SNRNP40: variants seen among roughly 807,000 people sequenced by gnomAD.
SNRNP40 encodes the protein U5 small nuclear ribonucleoprotein 40 kDa protein.
In SNRNP40, 21 loss-of-function variants were observed where a neutral mutation model predicts 45.8. The observed-to-expected ratio is 0.46, with a 90% CI of 0.32 to 0.66. The LOEUF (loss-of-function observed/expected upper bound fraction) is 0.66. Ranked by LOEUF, SNRNP40 falls within the 30% of genes least tolerant of loss-of-function variation. SNRNP40 has a pLI of 0.03. For synonymous variants in SNRNP40, 142 were observed against 163.8 expected (o/e 0.87, Z 1.01); for missense variants, 344 against 439.1 (o/e 0.78, Z 1.94).
At chr1:31,289,487 C>T (rs540106675) in intron 3 of SNRNP40, 68 bp from the exon 4 acceptor site, 2 of 1,490,728 alleles carry the variant, frequency 1.3e-6, no homozygotes, top group East Asian at 4.5e-5. Flanking sequence ...ATCTTTCCTA[C>T]TTGACAAAAG....
At chr1:31,260,227 A>T (rs540244756) in intron 9 of SNRNP40, 106 bp from the exon 10 acceptor site, 1 of 712,226 alleles carries the variant, frequency 1.4e-6, no homozygotes, top group Admixed American at 3.0e-5. Flanking sequence ...GAGCAATTGG[A>T]CTTAGCTTAA....
At chr1:31,266,335 G>A (rs1645896791) in intron 8 of SNRNP40, among the ~76,000 whole-genome samples, 1 of 152,152 alleles carries the variant, frequency 6.6e-6, no homozygotes, top group African/African-American at 2.4e-5. Context: ...GATTGAAAGA[G>A]AAACTCTAAA....
At chr1:31,291,790 T>G in intron 3 of SNRNP40, 123 bp downstream of exon 3, 1 of 657,566 alleles carries the variant, frequency 1.5e-6, no homozygotes, top group Non-Finnish European at 2.8e-6. Flanking sequence ...ATAAATCGGA[T>G]ACTAAAGTAG....
At chr1:31,286,066 G>A (rs1167370058) in intron 4 of SNRNP40, among the ~76,000 whole-genome samples, 1 of 152,000 alleles carries the variant, frequency 6.6e-6, no homozygotes, top group Non-Finnish European at 1.5e-5. Context: ...CCTTTTAATG[G>A]AAAACAGTAC....
At chr1:31,269,814 G>A (rs1355092205) in intron 6 of SNRNP40, 1 of 154,030 alleles carries the variant, frequency 6.5e-6, no homozygotes, top group Non-Finnish European at 1.4e-5. Flanking sequence ...TTTGGGTGAT[G>A]TCAGGTAAAC....
At chr1:31,265,635 T>C (rs979328690) in intron 8 of SNRNP40, among the ~76,000 whole-genome samples, 2 of 152,052 alleles carry the variant, frequency 1.3e-5, no homozygotes, top group Non-Finnish European at 2.9e-5. Flanking sequence ...GGTCAGGAGA[T>C]TGAGATCATT....
chr1:31,273,516 T>G (rs2148383611), intron 5 of SNRNP40, among the ~76,000 whole-genome samples: 1 of 152,198 alleles, frequency 6.6e-6, no homozygotes. Flanking sequence ...GGTGCACACC[T>G]GTAATCCCAG....
intron 3 of SNRNP40, among the ~76,000 whole-genome samples, chr1:31,290,366 C>T (rs953401888): frequency 2.0e-5 from 3 of 152,096 alleles, no homozygotes; most frequent in Admixed American, 1.3e-4. Context: ...GTATACAATG[C>T]TATGTATCAA....
intron 4 of SNRNP40, among the ~76,000 whole-genome samples, chr1:31,287,503 G>C (rs569136529): frequency 2.0e-4 from 30 of 152,226 alleles, no homozygotes; most frequent in African/African-American, 7.0e-4. Flanking sequence ...CAATAATAAT[G>C]TTAACAAAAT....
At chr1:31,290,215 T>C (rs1646093883) in intron 3 of SNRNP40, among the ~76,000 whole-genome samples, 1 of 152,142 alleles carries the variant, frequency 6.6e-6, no homozygotes, top group South Asian at 2.1e-4. Context: ...TTTTCATTTT[T>C]TTTGAGATGG....
chr1:31,293,988 T>C lies in SNRNP40; in HGVS notation c.142-640A>G, dbSNP rs575076904. Among the ~76,000 whole-genome samples the C allele has an allele frequency of 4.6e-5, 7 of 152,298 alleles. No homozygotes were observed. In the South Asian group the frequency reaches 1.5e-3, roughly 32 times the overall value. On this transcript the variant is annotated intron_variant, in intron 1 of 9. Coordinates refer to ENST00000263694, the MANE Select transcript of SNRNP40 (RefSeq NM_004814.3). ...TTTTTGTGTGTTTTGAGACAGAGTTTTGCTCTGTCACCCAGGCTGGAGTGC... is the reference window on the plus strand; with the variant it reads ...TTTTTGTGTGTTTTGAGACAGAGTTCTGCTCTGTCACCCAGGCTGGAGTGC...
In SNRNP40 at chr1:31,260,130, A is replaced by C; in HGVS notation, c.1025-9T>G. 1 of 1,574,118 alleles carries C rather than the reference A, an allele frequency of 6.4e-7. No individual in the cohort carries two copies. The highest frequency in any genetic ancestry group is 8.6e-7 in the Non-Finnish European group (1 of 1,158,610). ...ACTCGATGCTGAGATAACTGAGGTA[A>C]AAAGAACAGATAACTAGAAATAATG... On this transcript the variant is annotated splice_polypyrimidine_tract_variant and intron_variant, in intron 9 of 9. Coordinates refer to ENST00000263694, the MANE Select transcript of SNRNP40 (RefSeq NM_004814.3).
intron 1 of SNRNP40, among the ~76,000 whole-genome samples, chr1:31,296,356 G>A (rs149254600): frequency 6.6e-6 from 1 of 152,310 alleles, no homozygotes; most frequent in African/African-American, 2.4e-5. Flanking sequence ...AGGGTTTTGA[G>A]CCCAAGGTCC....
chr1:31,291,019 T>C (rs1402818600), intron 3 of SNRNP40, among the ~76,000 whole-genome samples: 2 of 152,180 alleles, frequency 1.3e-5, no homozygotes, highest in Non-Finnish European at 2.9e-5. Context: ...CCAGGCACGG[T>C]GGCTCATGCC....
intron 8 of SNRNP40, 84 bp downstream of exon 8, chr1:31,267,787 C>A (rs1218458302): frequency 9.7e-7 from 1 of 1,034,610 alleles, no homozygotes; most frequent in Non-Finnish European, 1.5e-6. Context: ...CCGCCTCGGC[C>A]TCCCAAAGTG....
intron 8 of SNRNP40, among the ~76,000 whole-genome samples, chr1:31,266,807 T>C (rs933418255): frequency 6.6e-6 from 1 of 152,222 alleles, no homozygotes; most frequent in Non-Finnish European, 1.5e-5. Flanking sequence ...ATTCTTCAGC[T>C]AGGAATTCAT....
At position 31,269,145 on chromosome 1, in the gene SNRNP40, A is replaced by T. The variant is rs201792259; in HGVS notation, c.858+13T>A. 1,330 of 1,586,706 alleles carry T rather than the reference A, an allele frequency of 8.4e-4. 13 individuals carry two copies. Among genetic ancestry groups the T allele is most frequent in the Middle Eastern group, 1.7e-4 (1 of 5,936 alleles). On this transcript the variant is annotated intron_variant, in intron 7 of 9. Transcript: ENST00000263694. The stretch of plus-strand genomic sequence containing the variant: ...AAATGAACAGTAAAACTCCTCTGCC[A>T]TGCAGAACTCACCTTTTCAAAGTTG...
At chr1:31,290,377 T>C (rs1646095598) in intron 3 of SNRNP40, among the ~76,000 whole-genome samples, 1 of 152,164 alleles carries the variant, frequency 6.6e-6, no homozygotes, top group African/African-American at 2.4e-5. Flanking sequence ...TATGTATCAA[T>C]TGATGGAGCA....
intron 9 of SNRNP40, chr1:31,261,039 C>G (rs766560530): frequency 7.8e-7 from 1 of 1,281,442 alleles, no homozygotes; most frequent in South Asian, 1.2e-5. Context: ...GACATTGATA[C>G]CCACATAAAG....
Sources: gnomAD v4.1 joint callset for allele counts (sites outside exome capture counted in the v4.1 genomes callset) on GRCh38, gnomAD v4.1.1 for gene constraint, MANE v1.5 for transcripts, NCBI Gene and HGNC (gene_info 2026-07-23, HGNC 2026-07-21) for gene names.